Variants in TPRG1 observed in about 807,000 individuals in gnomAD.
TPRG1 encodes the protein tumor protein p63 regulated 1.
In TPRG1, 29 loss-of-function variants were observed where a neutral mutation model predicts 29.3. That is an observed-to-expected ratio of 0.99 (90% CI 0.74 to 1.35). The LOEUF (loss-of-function observed/expected upper bound fraction) is 1.35. Ranked by LOEUF, TPRG1 falls within the 40% of genes most tolerant of loss-of-function variation. The probability of loss-of-function intolerance (pLI) is 0.00; values close to 1 mark genes in which losing one functional copy is unlikely to be tolerated. For missense variants in TPRG1, 327 were observed against 335.0 expected, an observed-to-expected ratio of 0.98 and a Z score of 0.19; for synonymous variants, 130 against 116.8, an observed-to-expected ratio of 1.11 and a Z score of -0.73.
rs369649569 is a variant in TPRG1, at chr3:189,052,727, T to TTA, written c.-463+28795_-463+28796dup. On this transcript the variant is annotated intron_variant, in intron 4 of 10. Coordinates refer to the TPRG1 transcript ENST00000433971. Reference sequence around the variant, plus strand: ...AATCAATGAGTGGATAAAGAAACTATTATATATATATATATGCTATGCAGC... The same window carrying TTA: ...AATCAATGAGTGGATAAAGAAACTATTATATATATATATATATGCTATGCAGC... 3.1e-3 allele frequency among the ~76,000 whole-genome samples: 469 copies of TTA among 150,564 alleles called. 2 individuals are homozygous for TTA. The highest frequency in any genetic ancestry group is 0.01 in the South Asian group (48 of 4,790).
intron 1 of TPRG1, among the ~76,000 whole-genome samples, chr3:189,117,994 A>T (rs910334178): frequency 3.9e-5 from 6 of 152,220 alleles, no homozygotes; most frequent in Non-Finnish European, 8.8e-5. Flanking sequence ...AGATTGGAAC[A>T]GTTTGGAGGG....
At chr3:189,252,459 G>T (rs1017283190) in intron 4 of TPRG1, among the ~76,000 whole-genome samples, 3 of 152,072 alleles carry the variant, frequency 2.0e-5, no homozygotes, top group African/African-American at 7.2e-5. Flanking sequence ...TCTGAAATGG[G>T]AGCCCTAAAT....
At chr3:189,316,035 G>A (rs141307878) in intron 5 of TPRG1, among the ~76,000 whole-genome samples, 127 of 152,282 alleles carry the variant, frequency 8.3e-4, no homozygotes, top group African/African-American at 2.9e-3. Context: ...CTTAAAAGCT[G>A]CGAATTACAA....
chr3:189,090,393 T>A (rs941811559), intron 4 of TPRG1, among the ~76,000 whole-genome samples: 6 of 151,316 alleles, frequency 4.0e-5, no homozygotes, highest in South Asian at 2.1e-4. Flanking sequence ...TGATAATAGG[T>A]CAGTGTTTAT....
upstream of TPRG1, among the ~76,000 whole-genome samples, chr3:189,171,029 G>T (rs1341900542): frequency 6.6e-6 from 1 of 152,158 alleles, no homozygotes; most frequent in Admixed American, 6.5e-5. Flanking sequence ...TTTGTTTTCT[G>T]TGCTCTCCTT....
At chr3:189,174,368 C>T (rs1032667292) in intron 1 of TPRG1, among the ~76,000 whole-genome samples, 1 of 152,164 alleles carries the variant, frequency 6.6e-6, no homozygotes, top group African/African-American at 2.4e-5. Flanking sequence ...CCCACATCCC[C>T]TCATGGATAA....
chr3:189,235,217 C>CTTT (rs34934049), intron 3 of TPRG1, among the ~76,000 whole-genome samples: 43,864 of 129,190 alleles, frequency 0.34, 7,994 homozygotes, highest in East Asian at 0.68. Context: ...ATGAGGTTTG[C>CTTT]TTTTTTTTTT....
intron 1 of TPRG1, among the ~76,000 whole-genome samples, chr3:189,108,549 CT>C (rs1163050149): frequency 6.7e-5 from 10 of 149,384 alleles, no homozygotes; most frequent in African/African-American, 2.5e-4. Context: ...TTTTTTTCGC[CT>C]CGGAACAACT....
At chr3:189,095,527 C>T (rs998282422), upstream of TPRG1, among the ~76,000 whole-genome samples, 1 of 152,180 alleles carries the variant, frequency 6.6e-6, no homozygotes, top group African/African-American at 2.4e-5. Context: ...TCATCAGTCT[C>T]CGTTCTTTAA....
At chr3:189,166,217 A>G (rs1014283023) in intron 5 of TPRG1, among the ~76,000 whole-genome samples, 2 of 152,242 alleles carry the variant, frequency 1.3e-5, no homozygotes, top group Non-Finnish European at 2.9e-5. Flanking sequence ...CTGTGTTGAT[A>G]GATGAGTGCC....
chr3:189,078,369 C>T (rs1470592852), intron 4 of TPRG1, among the ~76,000 whole-genome samples: 1 of 151,928 alleles, frequency 6.6e-6, no homozygotes, highest in Non-Finnish European at 1.5e-5. Context: ...AACTCCTGAC[C>T]TCAGCTTGTC....
chr3:189,167,411 G>A (rs74902382), upstream of TPRG1, among the ~76,000 whole-genome samples: 14,522 of 152,274 alleles, frequency 0.095, 765 homozygotes, highest in East Asian at 0.18. Context: ...CCTTCTCCCT[G>A]CCATGAATGG....
At chr3:189,294,026 T>C (rs1719460189) in intron 4 of TPRG1, among the ~76,000 whole-genome samples, 1 of 152,236 alleles carries the variant, frequency 6.6e-6, no homozygotes, top group African/African-American at 2.4e-5. Flanking sequence ...CTATGAACAC[T>C]AAGTTTGAGC....
intron 4 of TPRG1, among the ~76,000 whole-genome samples, chr3:189,032,183 A>G (rs1030630057): frequency 9.9e-5 from 15 of 152,194 alleles, no homozygotes; most frequent in Non-Finnish European, 1.9e-4. Flanking sequence ...GAGTCTTCAC[A>G]TGAGAGAGGG....
chr3:189,065,633 A>G (rs1214654694), intron 4 of TPRG1, among the ~76,000 whole-genome samples: 2 of 152,168 alleles, frequency 1.3e-5, no homozygotes, highest in Non-Finnish European at 2.9e-5. Context: ...GGATAAAAAC[A>G]TTTAGCAAGT....
chr3:189,102,830 A>G (rs1241121006), intron 1 of TPRG1, among the ~76,000 whole-genome samples: 1 of 151,858 alleles, frequency 6.6e-6, no homozygotes, highest in East Asian at 1.9e-4. Flanking sequence ...TTTTCCTAAC[A>G]CTTATTTTGC....
rs537454322 is a variant in TPRG1 at position 189,058,205 on chromosome 3, G to A, written c.-463+34259G>A. Among the ~76,000 whole-genome samples the A allele has an allele frequency of 1.2e-4, 18 of 152,184 alleles. No individual in the cohort carries two copies. In the East Asian group the frequency reaches 2.1e-3, roughly 18 times the overall value. ...ATCACATATCACACTTAGGAAGAGC[G>A]AGGTCCCAGCGATGACAAGTAATGT... is the stretch of plus-strand genomic sequence containing the variant. On this transcript the variant is annotated intron_variant, in intron 4 of 10. Coordinates refer to the TPRG1 transcript ENST00000433971.
At chr3:189,263,824 C>T (rs911205509) in intron 4 of TPRG1, among the ~76,000 whole-genome samples, 26 of 152,142 alleles carry the variant, frequency 1.7e-4, no homozygotes, top group African/African-American at 5.1e-4. Flanking sequence ...TGGCATTTCA[C>T]TCCAAACTAA....
At chr3:189,190,929 G>T (rs1731595486) in intron 1 of TPRG1, 1 of 984,864 alleles carries the variant, frequency 1.0e-6, no homozygotes, top group South Asian at 4.7e-5. Context: ...TTATCCCTTT[G>T]CAATGAGCCG....
Sources: gnomAD v4.1 joint callset for allele counts (sites outside exome capture counted in the v4.1 genomes callset) on GRCh38, gnomAD v4.1.1 for gene constraint, MANE v1.5 for transcripts, NCBI Gene and HGNC (gene_info 2026-07-23, HGNC 2026-07-21) for gene names.